Variants in TMEM178B observed in about 807,000 individuals in gnomAD.
TMEM178B encodes the protein transmembrane protein 178B.
Under a neutral mutation model 31.0 loss-of-function variants are expected in TMEM178B, and 5 were observed. The observed-to-expected ratio is 0.16, with a 90% CI of 0.08 to 0.34. The LOEUF (loss-of-function observed/expected upper bound fraction) is 0.34, where lower values mean the gene tolerates loss of function less well. TMEM178B is among the 10% of genes least tolerant of loss of function. The probability of loss-of-function intolerance (pLI) is 1.00; values close to 1 mark genes in which losing one functional copy is unlikely to be tolerated. For synonymous variants in TMEM178B, 164 were observed against 164.0 expected, an observed-to-expected ratio of 1.00 and a Z score of 0.00; for missense variants, 275 against 400.3, an observed-to-expected ratio of 0.69 and a Z score of 2.67.
At chr7:141,447,023 G>A (rs766397505) in intron 3 of TMEM178B, among the ~76,000 whole-genome samples, 30 of 152,016 alleles carry the variant, frequency 2.0e-4, no homozygotes, top group Non-Finnish European at 3.7e-4. Context: ...CTGATCACCC[G>A]TACTCATTCA....
intron 1 of TMEM178B, among the ~76,000 whole-genome samples, chr7:141,149,807 G>T (rs1795934960): frequency 6.6e-6 from 1 of 152,212 alleles, no homozygotes; most frequent in East Asian, 1.9e-4. Flanking sequence ...GTTATGGAGA[G>T]AACATGGCTC....
intron 2 of TMEM178B, among the ~76,000 whole-genome samples, chr7:141,350,025 G>GTCCATCCATCCATCTATCCA (rs1554478751): frequency 6.6e-6 from 1 of 151,032 alleles, no homozygotes; most frequent in Non-Finnish European, 1.5e-5. Context: ...GCATCTATCT[G>GTCCATCCATCCATCTATCCA]TCCATCCATC....
intron 2 of TMEM178B, among the ~76,000 whole-genome samples, chr7:141,307,713 A>G (rs1798838821): frequency 6.6e-6 from 1 of 152,234 alleles, no homozygotes; most frequent in Non-Finnish European, 1.5e-5. Flanking sequence ...CTTGCTTTCA[A>G]TCTTTCAATC....
At chr7:141,307,819 T>C (rs1404712510) in intron 2 of TMEM178B, among the ~76,000 whole-genome samples, 1 of 152,236 alleles carries the variant, frequency 6.6e-6, no homozygotes, top group African/African-American at 2.4e-5. Context: ...CTAAGGGCTT[T>C]GTCTACATGA....
intron 2 of TMEM178B, among the ~76,000 whole-genome samples, chr7:141,361,143 T>C (rs1010295799): frequency 2.0e-5 from 3 of 152,194 alleles, no homozygotes; most frequent in Non-Finnish European, 4.4e-5. Flanking sequence ...GGAAGCAGTC[T>C]GGTATTTCAA....
chr7:141,215,830 C>CT (rs1563120332), intron 2 of TMEM178B, among the ~76,000 whole-genome samples: 29 of 38,158 alleles, frequency 7.6e-4, no homozygotes, highest in African/African-American at 1.8e-3. Context: ...TTCTTTCTTT[C>CT]TTTCTTTCTT....
intron 2 of TMEM178B, among the ~76,000 whole-genome samples, chr7:141,310,248 C>G (rs1033817424): frequency 2.0e-5 from 3 of 151,990 alleles, no homozygotes; most frequent in Non-Finnish European, 1.5e-5. Context: ...AAAAAACAGT[C>G]CTATTAAAAA....
chr7:141,099,495 CAT>C (rs577631038), intron 1 of TMEM178B, among the ~76,000 whole-genome samples: 28 of 152,290 alleles, frequency 1.8e-4, no homozygotes, highest in Middle Eastern at 6.8e-3. Context: ...TGAATGGACT[CAT>C]ATGTAGCCAG....
intron 2 of TMEM178B, among the ~76,000 whole-genome samples, chr7:141,298,768 C>T (rs1243070863): frequency 1.3e-5 from 2 of 152,192 alleles, no homozygotes; most frequent in Non-Finnish European, 2.9e-5. Context: ...GGACCAATTC[C>T]TTATATGCAC....
At chr7:141,164,571 T>G (rs2129182062) in intron 1 of TMEM178B, among the ~76,000 whole-genome samples, 1 of 152,310 alleles carries the variant, frequency 6.6e-6, no homozygotes, top group Non-Finnish European at 1.5e-5. Context: ...CTAGATGGAA[T>G]TTAAGACCAA....
intron 1 of TMEM178B, among the ~76,000 whole-genome samples, chr7:141,097,504 C>G (rs901008692): frequency 6.6e-6 from 1 of 151,700 alleles, no homozygotes; most frequent in Admixed American, 6.6e-5. Flanking sequence ...TTTTCCCTCT[C>G]AAAAATGTTA....
intron 2 of TMEM178B, among the ~76,000 whole-genome samples, chr7:141,359,410 C>T (rs116319971): frequency 0.026 from 3,983 of 152,300 alleles, 172 homozygotes; most frequent in African/African-American, 0.089. Context: ...CTCATTCAGC[C>T]TCTTGGATTC....
At chr7:141,438,444 C>T (rs115843791) in intron 3 of TMEM178B, among the ~76,000 whole-genome samples, 2,053 of 151,928 alleles carry the variant, frequency 0.014, 42 homozygotes, top group African/African-American at 0.047. Flanking sequence ...GCTTTTTGGT[C>T]TCCTGGTTTG....
At chr7:141,189,584 A>G (rs2129184816) in intron 1 of TMEM178B, among the ~76,000 whole-genome samples, 1 of 152,328 alleles carries the variant, frequency 6.6e-6, no homozygotes, top group African/African-American at 2.4e-5. Flanking sequence ...GGCCCTGGTC[A>G]TGGGAGAATA....
At chr7:141,346,075 G>T (rs992740651) in intron 2 of TMEM178B, among the ~76,000 whole-genome samples, 1 of 151,952 alleles carries the variant, frequency 6.6e-6, no homozygotes, top group Non-Finnish European at 1.5e-5. Context: ...CAAAAAATTA[G>T]CCGGGCGTGG....
intron 2 of TMEM178B, among the ~76,000 whole-genome samples, chr7:141,421,257 T>C (rs1186262120): frequency 6.6e-6 from 1 of 152,224 alleles, no homozygotes; most frequent in Non-Finnish European, 1.5e-5. Context: ...ATTTTAGAAT[T>C]TAAAGATTTT....
chr7:141,285,681 G>A (rs1021152608), intron 2 of TMEM178B, among the ~76,000 whole-genome samples: 2 of 152,066 alleles, frequency 1.3e-5, no homozygotes, highest in African/African-American at 4.8e-5. Flanking sequence ...ATAGCAAAGA[G>A]TTGGAACAAC....
intron 2 of TMEM178B, among the ~76,000 whole-genome samples, chr7:141,330,332 G>A (rs989705785): frequency 1.3e-5 from 2 of 152,080 alleles, no homozygotes; most frequent in Non-Finnish European, 2.9e-5. Flanking sequence ...GTGTCCATGT[G>A]TTCTCATTGT....
chr7:141,362,832 T>C (rs1035942265), intron 2 of TMEM178B, among the ~76,000 whole-genome samples: 1 of 152,198 alleles, frequency 6.6e-6, no homozygotes, highest in Admixed American at 6.5e-5. Context: ...CCACCCGGGC[T>C]GTAGCCATTT....
Sources: gnomAD v4.1 joint callset for allele counts (sites outside exome capture counted in the v4.1 genomes callset) on GRCh38, gnomAD v4.1.1 for gene constraint, MANE v1.5 for transcripts, NCBI Gene and HGNC (gene_info 2026-07-23, HGNC 2026-07-21) for gene names.